The following FBXO36 variants were observed in gnomAD, a reference collection of about 807,000 sequenced individuals.
The protein encoded by FBXO36 is F-box only protein 36.
Under a neutral mutation model 17.0 loss-of-function variants are expected in FBXO36, and 18 were observed. The observed-to-expected ratio is 1.06, with a 90% CI of 0.73 to 1.57. FBXO36 has a LOEUF of 1.57. Among genes scored for constraint, FBXO36 ranks in the 40% most tolerant of loss-of-function variants. The pLI is 0.00. For missense variants in FBXO36, 229 were observed against 221.9 expected (o/e 1.03, Z -0.20); for synonymous variants, 83 against 85.3 (o/e 0.97, Z 0.15).
chr2:229,992,840 GGGCTGGAGGATCCCATTCAAGGAT>G (rs1346286345), intron 2 of FBXO36, among the ~76,000 whole-genome samples: 6 of 152,156 alleles, frequency 3.9e-5, no homozygotes, highest in Admixed American at 1.3e-4. Flanking sequence ...GGCTTGATTG[GGGCTGGAGGATCCCATTCAAGGAT>G]GGCTTATACA....
At chr2:229,992,465 A>T (rs2077302804) in intron 2 of FBXO36, among the ~76,000 whole-genome samples, 1 of 152,056 alleles carries the variant, frequency 6.6e-6, no homozygotes, top group African/African-American at 2.4e-5. Context: ...GCCCTCACTT[A>T]ATCTTTTGTC....
chr2:229,940,859 G>GC (rs2076994420), intron 1 of FBXO36, among the ~76,000 whole-genome samples: 1 of 152,158 alleles, frequency 6.6e-6, no homozygotes, highest in South Asian at 2.1e-4. Context: ...GTTGTTTTAA[G>GC]CCACCCCATT....
chr2:229,938,483 C>CTTTTTTT (rs111952762), intron 1 of FBXO36, among the ~76,000 whole-genome samples: 1 of 93,982 alleles, frequency 1.1e-5, no homozygotes, highest in Non-Finnish European at 2.3e-5. Flanking sequence ...ATACAACTTT[C>CTTTTTTT]TTTTTTTTTT....
intron 1 of FBXO36, among the ~76,000 whole-genome samples, chr2:229,957,438 G>A (rs752390390): frequency 3.9e-5 from 6 of 152,142 alleles, no homozygotes; most frequent in East Asian, 1.9e-4. Context: ...TTAGCTTGGC[G>A]TGGTGGCGGG....
At chr2:229,946,094 A>G (rs2077025829) in intron 1 of FBXO36, among the ~76,000 whole-genome samples, 1 of 151,810 alleles carries the variant, frequency 6.6e-6, no homozygotes, top group Admixed American at 6.6e-5. Flanking sequence ...AGAACTTTGC[A>G]TTGCGGCCCC....
At chr2:229,956,942 T>C (rs932162149) in intron 1 of FBXO36, among the ~76,000 whole-genome samples, 4 of 152,190 alleles carry the variant, frequency 2.6e-5, no homozygotes, top group Admixed American at 6.6e-5. Context: ...TATACCCATA[T>C]GACTTTATTT....
At chr2:229,997,047 A>C in intron 3 of FBXO36, 124 bp downstream of exon 3, 1 of 833,758 alleles carries the variant, frequency 1.2e-6, no homozygotes, top group African/African-American at 1.7e-5. Context: ...GTGCACAAGC[A>C]GCAGAGATGA....
chr2:229,938,398 T>G (rs2076977682), intron 1 of FBXO36, among the ~76,000 whole-genome samples: 1 of 136,548 alleles, frequency 7.3e-6, no homozygotes, highest in Non-Finnish European at 1.6e-5. Context: ...ATTTTTGTAT[T>G]TTTTGTATAG....
At chr2:229,954,542 C>CTT (rs1176794800) in intron 1 of FBXO36, among the ~76,000 whole-genome samples, 1,413 of 78,742 alleles carry the variant, frequency 0.018, 42 homozygotes, top group Middle Eastern at 0.065. Context: ...TGCACCCGGC[C>CTT]TTTTTTTTTT....
intron 1 of FBXO36, among the ~76,000 whole-genome samples, chr2:229,926,243 A>C (rs1180177420): frequency 6.6e-6 from 1 of 152,094 alleles, no homozygotes; most frequent in African/African-American, 2.4e-5. Context: ...CAGCCTGGCC[A>C]ACATGGCAAA....
At chr2:229,969,384 TAAAA>T (rs756723393) in intron 1 of FBXO36, among the ~76,000 whole-genome samples, 1 of 118,608 alleles carries the variant, frequency 8.4e-6, no homozygotes, top group South Asian at 2.7e-4. Flanking sequence ...ACTCACAAAT[TAAAA>T]AAAAAAAAAA....
intron 1 of FBXO36, among the ~76,000 whole-genome samples, chr2:229,962,342 T>C (rs975186537): frequency 1.1e-4 from 16 of 151,804 alleles, no homozygotes; most frequent in African/African-American, 3.9e-4. Flanking sequence ...TTTTTTTCTT[T>C]TTTTTGAAAC....
intron 1 of FBXO36, 132 bp downstream of exon 1, chr2:229,922,741 G>T: frequency 1.1e-6 from 1 of 881,454 alleles, no homozygotes; most frequent in South Asian, 1.7e-5. Flanking sequence ...TCCGCGCCGG[G>T]AGATTTTCCT....
intron 2 of FBXO36, among the ~76,000 whole-genome samples, chr2:229,984,460 G>C (rs1467386535): frequency 1.7e-4 from 1 of 5,954 alleles, no homozygotes; most frequent in Admixed American, 2.3e-3. Context: ...GCGTGATCTC[G>C]GCTCACTGCA....
At chr2:229,955,757 G>A (rs2077084232) in intron 1 of FBXO36, among the ~76,000 whole-genome samples, 1 of 152,062 alleles carries the variant, frequency 6.6e-6, no homozygotes, top group Admixed American at 6.6e-5. Flanking sequence ...AATAATTTGT[G>A]GATTGGCATC....
intron 3 of FBXO36, among the ~76,000 whole-genome samples, chr2:229,999,982 T>G (rs1213078361): frequency 6.6e-6 from 1 of 152,132 alleles, no homozygotes; most frequent in African/African-American, 2.4e-5. Context: ...AATGGAAAGC[T>G]GAAAACAAGT....
chr2:229,974,406 G>T (rs568602985), intron 1 of FBXO36, among the ~76,000 whole-genome samples: 3 of 152,316 alleles, frequency 2.0e-5, no homozygotes, highest in Non-Finnish European at 4.4e-5. Flanking sequence ...GCCATGGAGA[G>T]CGTCCCTCCA....
chr2:229,934,350 G>A (rs541754538), intron 1 of FBXO36, among the ~76,000 whole-genome samples: 24 of 152,216 alleles, frequency 1.6e-4, no homozygotes, highest in Admixed American at 1.4e-3. Flanking sequence ...GCAGTGAGCC[G>A]AGATCGCACC....
Position 229,986,132 on chromosome 2 carries a change from C to T in FBXO36, c.205+9783C>T, listed in dbSNP as rs1577355942. Among the ~76,000 whole-genome samples the T allele has an allele frequency of 2.0e-5, 3 of 152,252 alleles. No individual in the cohort carries two copies. The East Asian group carries it at 5.8e-4, about 29-fold the overall frequency. On this transcript the variant is annotated intron_variant, in intron 2 of 3. Coordinates refer to ENST00000283946, the MANE Select transcript of FBXO36 (RefSeq NM_174899.5). ...TGACCCTGTGTTTCTAGTTCCAGGA[C>T]AACCATCATTAGGAGTTTCTGTTAT...
Sources: allele counts gnomAD v4.1 joint callset (sites outside exome capture counted in the v4.1 genomes callset), GRCh38; gene constraint gnomAD v4.1.1; transcripts MANE v1.5; gene names NCBI Gene and HGNC (gene_info 2026-07-23, HGNC 2026-07-21).